TMEM74: variants seen among roughly 807,000 people sequenced by gnomAD.
TMEM74 encodes the protein transmembrane protein 74.
In TMEM74, 13 loss-of-function variants were observed where a neutral mutation model predicts 18.1. The observed-to-expected ratio is 0.72, with a 90% CI of 0.47 to 1.14. TMEM74 has a LOEUF of 1.14. TMEM74 is among the 50% of genes most tolerant of loss of function. The probability of loss-of-function intolerance (pLI) is 0.00; values close to 1 mark genes in which losing one functional copy is unlikely to be tolerated. For synonymous variants in TMEM74, 159 were observed against 146.6 expected (o/e 1.08, Z -0.61); for missense variants, 372 against 375.9 (o/e 0.99, Z 0.09).
At position 108,650,747 on chromosome 8, in the gene TMEM74, G is replaced by T. The variant is rs560676751; in HGVS notation, n.264+4546C>A. On this transcript the variant is annotated intron_variant and non_coding_transcript_variant, in intron 2 of 3. Transcript: ENST00000518838. ...ATTTTTTAGATGAAGGCTTGCTCTT[G>T]TCCCCCAGGCTGGAGTGCAATGGCA... Among the ~76,000 whole-genome samples the T allele has an allele frequency of 1.2e-3, 186 of 149,098 alleles. 1 individual carries two copies. Among genetic ancestry groups the T allele is most frequent in the Non-Finnish European group, 2.1e-3 (141 of 67,036 alleles).
chr8:108,711,291 T>C (rs909587748), intron 1 of TMEM74, among the ~76,000 whole-genome samples: 2 of 152,210 alleles, frequency 1.3e-5, no homozygotes, highest in African/African-American at 2.4e-5. Flanking sequence ...AAGCCTCCCA[T>C]GCATTGTGAA....
intron 1 of TMEM74, among the ~76,000 whole-genome samples, chr8:108,665,034 T>C (rs577343759): frequency 2.8e-4 from 43 of 152,118 alleles, no homozygotes; most frequent in Admixed American, 2.6e-4. Flanking sequence ...TGATAAACTA[T>C]ACCGATTATC....
intron 1 of TMEM74, among the ~76,000 whole-genome samples, chr8:108,756,650 G>GAGAAAGAAAGAAAGAAAGAAAGAAAGAA (rs71305914): frequency 3.3e-4 from 9 of 27,082 alleles, no homozygotes; most frequent in Non-Finnish European, 1.4e-4. Flanking sequence ...AAGAAAGAAA[G>GAGAAAGAAAGAAAGAAAGAAAGAAAGAA]AGAAAGAAAG....
At chr8:108,773,482 C>G (rs560797240) in intron 1 of TMEM74, among the ~76,000 whole-genome samples, 17 of 152,230 alleles carry the variant, frequency 1.1e-4, no homozygotes, top group African/African-American at 4.1e-4. Context: ...AATATGTACG[C>G]ATTCCTTCTT....
At chr8:108,656,056 T>C (rs1005785762) in intron 1 of TMEM74, among the ~76,000 whole-genome samples, 15 of 152,158 alleles carry the variant, frequency 9.9e-5, no homozygotes, top group African/African-American at 3.4e-4. Flanking sequence ...AGTGCTCTTA[T>C]TCCTCACTCC....
At chr8:108,718,136 T>A (rs564075042) in intron 1 of TMEM74, among the ~76,000 whole-genome samples, 1 of 109,172 alleles carries the variant, frequency 9.2e-6, no homozygotes, top group Admixed American at 9.0e-5. Context: ...TTTTTTGTAT[T>A]TTTAGTAGAG....
rs758698324 is a variant in TMEM74, at chr8:108,785,066, G to T, written c.33C>A (p.Asn11Lys). 6.2e-7 allele frequency: 1 copy of T among 1,610,886 alleles called. No individual in the cohort carries two copies. The highest frequency in any genetic ancestry group is 8.5e-7 in the Non-Finnish European group (1 of 1,178,814). MELHYLAKKS[N>K]QADLCDARDW... ...CCCTGGCATCACAGAGGTCTGCCTG[G>T]TTGCTCTTCTTAGCAAGGTAGTGGA... The change falls in exon 2 of 2, where the codon AAC becomes AAA. Residue 11 changes from asparagine (N) to lysine (K), a missense_variant. Transcript: ENST00000297459.
intron 1 of TMEM74, among the ~76,000 whole-genome samples, chr8:108,726,702 C>G (rs918460211): frequency 7.3e-5 from 11 of 151,516 alleles, no homozygotes; most frequent in African/African-American, 2.4e-4. Context: ...TTAAGTTCTA[C>G]TATAAGTCAA....
At chr8:108,658,175 C>T (rs955760372) in intron 1 of TMEM74, among the ~76,000 whole-genome samples, 6 of 151,692 alleles carry the variant, frequency 4.0e-5, no homozygotes, top group Non-Finnish European at 7.4e-5. Context: ...ACTGGATCAT[C>T]GTGGTACAGT....
intron 2 of TMEM74, among the ~76,000 whole-genome samples, chr8:108,628,811 T>A (rs1324268484): frequency 6.6e-6 from 1 of 152,116 alleles, no homozygotes; most frequent in Non-Finnish European, 1.5e-5. Context: ...CCTGACTTTT[T>A]AATGATTGCC....
rs2129668548 is a variant in TMEM74, at chr8:108,783,709, G to T, written c.*472C>A. 1.3e-5 allele frequency: 2 copies of T among 151,318 alleles called. No homozygotes were observed. Among genetic ancestry groups the T allele is most frequent in the East Asian group, 3.9e-4 (2 of 5,168 alleles). The allele number at this position is 151,318 out of a possible 1,614,324, so 9.4% of individuals were successfully genotyped here. A position where few individuals can be genotyped will look rare whatever the true frequency, so the allele number is the denominator to read the frequency against. On this transcript the variant is annotated 3_prime_UTR_variant, in exon 2 of 2. Coordinates refer to ENST00000297459, the MANE Select transcript of TMEM74 (RefSeq NM_153015.3). Reference sequence around the variant, plus strand: ...GTTTTAGTGTTTAGCCAAATTACAAGAAGGATAATTTAGCAAGAAAATGGA... The same window carrying T: ...GTTTTAGTGTTTAGCCAAATTACAATAAGGATAATTTAGCAAGAAAATGGA...
chr8:108,720,292 T>A (rs1813573236), intron 1 of TMEM74, among the ~76,000 whole-genome samples: 1 of 152,216 alleles, frequency 6.6e-6, no homozygotes. Flanking sequence ...GTCAGATGGT[T>A]GTCAGCCCAA....
At chr8:108,769,823 A>C (rs532969960) in intron 1 of TMEM74, among the ~76,000 whole-genome samples, 5 of 152,214 alleles carry the variant, frequency 3.3e-5, no homozygotes, top group African/African-American at 1.2e-4. Context: ...GTAGAGATTC[A>C]ATCTTAAGAT....
downstream of TMEM74, among the ~76,000 whole-genome samples, chr8:108,776,991 C>A (rs1055511030): frequency 1.3e-5 from 2 of 152,114 alleles, no homozygotes; most frequent in African/African-American, 4.8e-5. Context: ...TCTGTAGTTA[C>A]AAAGAACCTC....
intron 2 of TMEM74, among the ~76,000 whole-genome samples, chr8:108,634,511 C>A (rs1385223454): frequency 1.3e-5 from 2 of 151,916 alleles, no homozygotes; most frequent in African/African-American, 4.8e-5. Flanking sequence ...TCTGAGACAT[C>A]CTGCAGAATA....
chr8:108,671,649 G>A (rs1813006132), intron 1 of TMEM74, among the ~76,000 whole-genome samples: 2 of 152,096 alleles, frequency 1.3e-5, no homozygotes, highest in African/African-American at 4.8e-5. Flanking sequence ...GGTGGAGAGA[G>A]ATTAGTGGTC....
rs1484687699 is a variant in TMEM74 at position 108,783,689 on chromosome 8, A to C, written c.*492T>G. 1 of 150,398 alleles carries C rather than the reference A, an allele frequency of 6.6e-6. No homozygotes were observed. Among genetic ancestry groups the C allele is most frequent in the African/African-American group, 2.5e-5 (1 of 40,126 alleles). 9.3% of individuals were successfully genotyped at this position (150,398 alleles called of 1,614,324 possible). ...ATTCAAACTAAAAATTCCATGTTTT[A>C]GTGTTTAGCCAAATTACAAGAAGGA... On this transcript the variant is annotated 3_prime_UTR_variant, in exon 2 of 2. Transcript: ENST00000297459.
chr8:108,756,548 AAAAGAAAGAAAG>A (rs57444896), intron 1 of TMEM74, among the ~76,000 whole-genome samples: 574 of 44,948 alleles, frequency 0.013, 46 homozygotes, highest in African/African-American at 0.06. Context: ...CACTGTAAAG[AAAAGAAAGAAAG>A]AAAGAAAGAA....
rs186530758 is a variant in TMEM74 at position 108,683,501 on chromosome 8, A to C, written n.120-28064T>G. 1.4e-3 allele frequency among the ~76,000 whole-genome samples: 215 copies of C among 152,036 alleles called. 1 individual carries two copies. The highest frequency in any genetic ancestry group is 7.0e-3 in the Middle Eastern group (2 of 284). The stretch of plus-strand genomic sequence containing the variant: ...GGAAATTTATTAATATAATTTACTA[A>C]ATTAACAAATTAGAGACCATTATAC... On this transcript the variant is annotated intron_variant and non_coding_transcript_variant, in intron 1 of 3. Coordinates refer to the TMEM74 transcript ENST00000518838.
Sources: gnomAD v4.1 joint callset for allele counts (sites outside exome capture counted in the v4.1 genomes callset) on GRCh38, gnomAD v4.1.1 for gene constraint, MANE v1.5 for transcripts, NCBI Gene and HGNC (gene_info 2026-07-23, HGNC 2026-07-21) for gene names.